DPYD: variants seen among roughly 807,000 people sequenced by gnomAD.
The protein encoded by DPYD is dihydropyrimidine dehydrogenase [NADP(+)].
A neutral mutation model predicts 116.2 loss-of-function variants in DPYD; 109 were observed. The observed-to-expected ratio is 0.94, with a 90% confidence interval of 0.80 to 1.10. The LOEUF (loss-of-function observed/expected upper bound fraction) is 1.10. Among genes scored for constraint, DPYD ranks in the 50% least tolerant of loss-of-function variants. DPYD has a pLI of 0.00. For synonymous variants in DPYD, 440 were observed against 432.0 expected (o/e 1.02, Z -0.23); for missense variants, 1,302 against 1,254.5 (o/e 1.04, Z -0.57).
chr1:97,575,586 C>T (rs1653213393), intron 10 of DPYD, among the ~76,000 whole-genome samples: 1 of 152,136 alleles, frequency 6.6e-6, no homozygotes, highest in African/African-American at 2.4e-5. Context: ...ATTACACAGT[C>T]TTTCCCTTTT....
chr1:97,589,706 CAG>C (rs1654376006), intron 10 of DPYD, among the ~76,000 whole-genome samples: 1 of 152,176 alleles, frequency 6.6e-6, no homozygotes, highest in Non-Finnish European at 1.5e-5. Flanking sequence ...TTCCCTCACT[CAG>C]AGAATGAGAA....
At chr1:97,581,762 A>G (rs1208854298) in intron 10 of DPYD, among the ~76,000 whole-genome samples, 3 of 151,438 alleles carry the variant, frequency 2.0e-5, no homozygotes, top group African/African-American at 7.2e-5. Context: ...AAAAAAAAAA[A>G]AAAAAGAAAG....
intron 8 of DPYD, among the ~76,000 whole-genome samples, chr1:97,645,196 C>A (rs1021344835): frequency 1.3e-5 from 2 of 152,036 alleles, no homozygotes; most frequent in Non-Finnish European, 2.9e-5. Flanking sequence ...AGCTTTTAGA[C>A]ACATTGTTTC....
intron 16 of DPYD, among the ~76,000 whole-genome samples, chr1:97,324,556 T>C (rs1291849647): frequency 1.3e-5 from 2 of 152,080 alleles, no homozygotes; most frequent in African/African-American, 4.8e-5. Context: ...TTTCATGGAC[T>C]ATGTGGAAAT....
intron 8 of DPYD, among the ~76,000 whole-genome samples, chr1:97,604,554 TAA>T (rs66559958): frequency 0.032 from 4,793 of 152,158 alleles, 261 homozygotes; most frequent in African/African-American, 0.11. Context: ...TGTAATTTCA[TAA>T]GTTTTCCAAA....
chr1:97,649,358 G>A (rs1270044932), intron 8 of DPYD, among the ~76,000 whole-genome samples: 2 of 152,072 alleles, frequency 1.3e-5, no homozygotes, highest in African/African-American at 2.4e-5. Flanking sequence ...ATTCCTGACA[G>A]TGAGGGTTAG....
chr1:97,096,229 C>A (rs1650237833), intron 21 of DPYD, among the ~76,000 whole-genome samples: 1 of 152,050 alleles, frequency 6.6e-6, no homozygotes, highest in South Asian at 2.1e-4. Flanking sequence ...GGCTTTCATG[C>A]AACCACAGAT....
Position 97,801,026 on chromosome 1 carries a change from C to T in DPYD, c.233+27088G>A, listed in dbSNP as rs540656361. Among the ~76,000 whole-genome samples, 51 of 151,980 alleles carry T rather than the reference C, an allele frequency of 3.4e-4. 1 individual carries two copies. Among genetic ancestry groups the T allele is most frequent in the Middle Eastern group, 6.8e-3 (2 of 294 alleles). On this transcript the variant is annotated intron_variant, in intron 3 of 22. Coordinates refer to ENST00000370192, the MANE Select transcript of DPYD (RefSeq NM_000110.4). ...TGCATTCATCCATCCATTCATTCTA[C>T]AACCTATTCCAATTGTTATGGACTG...
intron 18 of DPYD, among the ~76,000 whole-genome samples, chr1:97,262,953 C>G: frequency 6.6e-6 from 1 of 152,130 alleles, no homozygotes; most frequent in African/African-American, 2.4e-5. Flanking sequence ...GTATCACCTA[C>G]AAAGCCAAAA....
intron 5 of DPYD, among the ~76,000 whole-genome samples, chr1:97,711,301 T>C (rs532415271): frequency 1.3e-5 from 2 of 152,046 alleles, no homozygotes; most frequent in Admixed American, 1.3e-4. Flanking sequence ...ATAAGAAACT[T>C]ATCCAAAATC....
chr1:97,801,532 G>A (rs534631190), intron 3 of DPYD, among the ~76,000 whole-genome samples: 1 of 151,944 alleles, frequency 6.6e-6, no homozygotes, highest in East Asian at 1.9e-4. Flanking sequence ...TAAGTTCTCA[G>A]AAGAAAAATA....
chr1:97,451,460 A>C (rs1287583812), intron 13 of DPYD, among the ~76,000 whole-genome samples: 1 of 152,208 alleles, frequency 6.6e-6, no homozygotes, highest in Non-Finnish European at 1.5e-5. Flanking sequence ...TAAATGTTAC[A>C]ATAAGCCTCC....
At chr1:97,427,880 G>A (rs1674962040) in intron 14 of DPYD, among the ~76,000 whole-genome samples, 1 of 152,152 alleles carries the variant, frequency 6.6e-6, no homozygotes, top group South Asian at 2.1e-4. Context: ...CTAAAATGGA[G>A]TAGGGAATAG....
At chr1:97,696,053 C>A (rs1480725887) in intron 6 of DPYD, among the ~76,000 whole-genome samples, 1 of 151,616 alleles carries the variant, frequency 6.6e-6, no homozygotes, top group African/African-American at 2.4e-5. Flanking sequence ...TCACTTGAAT[C>A]CCGGAGGTGG....
chr1:97,347,316 G>T (rs1040345060), intron 16 of DPYD, among the ~76,000 whole-genome samples: 7 of 151,810 alleles, frequency 4.6e-5, no homozygotes, highest in African/African-American at 1.7e-4. Context: ...TTTCTAAGAT[G>T]TTTTTAAAAT....
At chr1:97,507,891 C>G (rs375226796) in intron 13 of DPYD, among the ~76,000 whole-genome samples, 2 of 151,950 alleles carry the variant, frequency 1.3e-5, no homozygotes, top group East Asian at 3.9e-4. Context: ...AAAAACAGAA[C>G]TATTTAGAAA....
intron 14 of DPYD, among the ~76,000 whole-genome samples, chr1:97,426,595 G>C (rs1465343099): frequency 6.6e-6 from 1 of 152,010 alleles, no homozygotes. Flanking sequence ...TGCAACTATT[G>C]GCTTAAAAAT....
chr1:97,426,855 T>G (rs1674894316), intron 14 of DPYD, among the ~76,000 whole-genome samples: 1 of 152,106 alleles, frequency 6.6e-6, no homozygotes, highest in South Asian at 2.1e-4. Context: ...TAATTCTTGT[T>G]GGGTGGTAAC....
At chr1:97,830,071 C>A (rs1161479674) in intron 2 of DPYD, among the ~76,000 whole-genome samples, 1 of 152,238 alleles carries the variant, frequency 6.6e-6, no homozygotes, top group African/African-American at 2.4e-5. Context: ...CTTCAAAGGA[C>A]ATGAATTCAT....
Sources: gnomAD v4.1 joint callset for allele counts (sites outside exome capture counted in the v4.1 genomes callset) on GRCh38, gnomAD v4.1.1 for gene constraint, MANE v1.5 for transcripts, NCBI Gene and HGNC (gene_info 2026-07-23, HGNC 2026-07-21) for gene names.